The following STAG1 variants were observed in gnomAD, a reference collection of about 807,000 sequenced individuals.
STAG1 encodes the protein cohesin subunit SA-1.
A neutral mutation model predicts 170.9 loss-of-function variants in STAG1; 26 were observed. That is an observed-to-expected ratio of 0.15 (90% confidence interval 0.11 to 0.21). STAG1 has a LOEUF of 0.21. STAG1 is among the 10% of genes least tolerant of loss of function. The pLI, the probability that STAG1 is intolerant of heterozygous loss-of-function variation, is 1.00. For missense variants in STAG1, 964 were observed against 1,509.5 expected (o/e 0.64, Z 5.99); for synonymous variants, 514 against 497.7 (o/e 1.03, Z -0.44).
At chr3:136,736,893 G>T in intron 1 of STAG1, 1 of 1,586,334 alleles carries the variant, frequency 6.3e-7, no homozygotes, top group South Asian at 1.1e-5. Flanking sequence ...TTACATCCAG[G>T]GTCCTCTTCT....
intron 21 of STAG1, among the ~76,000 whole-genome samples, chr3:136,406,665 T>C (rs1019012416): frequency 7.9e-5 from 12 of 152,028 alleles, no homozygotes; most frequent in African/African-American, 2.9e-4. Context: ...TAGCAAACGA[T>C]TGAGTAAAGA....
At chr3:136,421,974 C>A (rs1265427000) in intron 19 of STAG1, among the ~76,000 whole-genome samples, 1 of 151,602 alleles carries the variant, frequency 6.6e-6, no homozygotes, top group African/African-American at 2.4e-5. Flanking sequence ...ATGGTGAAAA[C>A]CCATTTCTAC....
chr3:136,652,422 G>A (rs1199915690), intron 1 of STAG1, among the ~76,000 whole-genome samples: 3 of 152,160 alleles, frequency 2.0e-5, no homozygotes, highest in African/African-American at 7.2e-5. Context: ...GATAAACTAA[G>A]ACTGACATCC....
At chr3:136,507,759 T>A (rs572849355) in intron 7 of STAG1, among the ~76,000 whole-genome samples, 1 of 152,352 alleles carries the variant, frequency 6.6e-6, no homozygotes, top group Non-Finnish European at 1.5e-5. Flanking sequence ...GTTTTCACTT[T>A]ATTCAATAAG....
At chr3:136,703,746 A>T (rs1431579382) in intron 1 of STAG1, among the ~76,000 whole-genome samples, 2 of 152,084 alleles carry the variant, frequency 1.3e-5, no homozygotes, top group Admixed American at 1.3e-4. Flanking sequence ...TCAGTGGCTT[A>T]TACCTGGAAT....
chr3:136,627,170 T>C (rs117913266), intron 2 of STAG1, among the ~76,000 whole-genome samples: 1,655 of 152,352 alleles, frequency 0.011, 24 homozygotes, highest in East Asian at 0.039. Context: ...GTGAGAACTA[T>C]TGCCAACAAA....
At chr3:136,535,452 C>A (rs1165571328) in intron 6 of STAG1, among the ~76,000 whole-genome samples, 1 of 152,200 alleles carries the variant, frequency 6.6e-6, no homozygotes, top group Non-Finnish European at 1.5e-5. Context: ...CACTTGAGGA[C>A]AGGAGTTCAA....
intron 12 of STAG1, among the ~76,000 whole-genome samples, chr3:136,468,573 G>C (rs545543169): frequency 2.9e-4 from 44 of 152,300 alleles, no homozygotes; most frequent in African/African-American, 1.0e-3. Context: ...AATTCTACCA[G>C]AGGTACAAGG....
intron 7 of STAG1, among the ~76,000 whole-genome samples, chr3:136,519,783 A>C (rs1934580162): frequency 6.6e-6 from 1 of 152,158 alleles, no homozygotes; most frequent in Non-Finnish European, 1.5e-5. Flanking sequence ...ACAGGGTAAA[A>C]AATCTTTTTC....
intron 22 of STAG1, among the ~76,000 whole-genome samples, chr3:136,386,101 G>A (rs577311393): frequency 1.3e-5 from 2 of 152,244 alleles, no homozygotes; most frequent in East Asian, 1.9e-4. Context: ...ACTTTGGGAG[G>A]CCGAGGCAGG....
intron 7 of STAG1, 99 bp downstream of exon 7, chr3:136,521,114 A>T: frequency 2.0e-6 from 2 of 992,804 alleles, no homozygotes. Flanking sequence ...GTTTTATTCT[A>T]ATTAAATTTT....
chr3:136,377,848 T>G (rs1937691101), intron 22 of STAG1, 96 bp from the exon 23 acceptor site: 1 of 983,282 alleles, frequency 1.0e-6, no homozygotes, highest in South Asian at 1.4e-5. Flanking sequence ...AACTGGTTTA[T>G]TCTCAAGGAA....
intron 5 of STAG1, among the ~76,000 whole-genome samples, chr3:136,559,545 C>A (rs1024513566): frequency 6.6e-6 from 1 of 152,190 alleles, no homozygotes; most frequent in African/African-American, 2.4e-5. Context: ...GGTATTTATA[C>A]ACTAACTCCC....
chr3:136,498,255 C>CATACATAT (rs1559841885), intron 9 of STAG1, among the ~76,000 whole-genome samples: 7 of 78,398 alleles, frequency 8.9e-5, no homozygotes, highest in African/African-American at 4.6e-4. Flanking sequence ...TACATACACA[C>CATACATAT]ACACACACAC....
chr3:136,373,054 ACTT>A (rs1365399370), intron 23 of STAG1, among the ~76,000 whole-genome samples: 3 of 152,144 alleles, frequency 2.0e-5, no homozygotes, highest in Non-Finnish European at 4.4e-5. Flanking sequence ...CAGAGATTCA[ACTT>A]CTTCTTGGTT....
At chr3:136,659,007 T>C (rs530104751) in intron 1 of STAG1, among the ~76,000 whole-genome samples, 14 of 152,250 alleles carry the variant, frequency 9.2e-5, no homozygotes, top group South Asian at 6.2e-4. Flanking sequence ...CTAATCTAAT[T>C]CATGTAACCA....
At chr3:136,371,160 T>C (rs1028285772) in intron 23 of STAG1, among the ~76,000 whole-genome samples, 3 of 152,238 alleles carry the variant, frequency 2.0e-5, no homozygotes, top group African/African-American at 7.2e-5. Flanking sequence ...ATGTCTTCTT[T>C]TGAGAAGTGC....
chr3:136,702,092 AGAG>A (rs1943086054), intron 1 of STAG1, among the ~76,000 whole-genome samples: 1 of 97,424 alleles, frequency 1.0e-5, no homozygotes, highest in South Asian at 3.1e-4. Context: ...AGAGAGAGAG[AGAG>A]AGAGAGAGAG....
chr3:136,467,523 C>T (rs904454582), intron 12 of STAG1, among the ~76,000 whole-genome samples: 2 of 152,110 alleles, frequency 1.3e-5, no homozygotes, highest in Non-Finnish European at 2.9e-5. Context: ...TCCTAAAAGA[C>T]CTATAAAGAG....
Sources: gnomAD v4.1 joint callset for allele counts (sites outside exome capture counted in the v4.1 genomes callset) on GRCh38, gnomAD v4.1.1 for gene constraint, MANE v1.5 for transcripts, NCBI Gene and HGNC (gene_info 2026-07-23, HGNC 2026-07-21) for gene names.